Variants in TBCD observed in about 807,000 individuals in gnomAD.
The protein encoded by TBCD is tubulin-specific chaperone D.
Under a neutral mutation model 169.3 loss-of-function variants are expected in TBCD, and 105 were observed. The ratio of observed to expected loss-of-function variants is 0.62; its 90% CI spans 0.53 to 0.73. TBCD has a LOEUF of 0.73. TBCD is among the 30% of genes least tolerant of loss of function. The pLI is 0.00. For missense variants in TBCD, 1,444 were observed against 1,600.1 expected (o/e 0.90, Z 1.66); for synonymous variants, 700 against 643.9 (o/e 1.09, Z -1.32).
At position 82,787,161 on chromosome 17, in the gene TBCD, C is replaced by A. The variant is rs572361073; in HGVS notation, c.771+5440C>A. 3.3e-5 allele frequency among the ~76,000 whole-genome samples: 5 copies of A among 152,222 alleles called. No individual in the cohort carries two copies. In the South Asian group the frequency reaches 1.0e-3, roughly 32 times the overall value. ...CTTAGGAGAGCCGAGCCCTGTGCCA[C>A]CCCCCGGCATATGCTGGCAAAGAGT... On this transcript the variant is annotated intron_variant, in intron 7 of 38. Coordinates refer to ENST00000355528, the MANE Select transcript of TBCD (RefSeq NM_005993.5).
At chr17:82,801,394 C>T (rs2050507334) in intron 9 of TBCD, among the ~76,000 whole-genome samples, 1 of 152,190 alleles carries the variant, frequency 6.6e-6, no homozygotes, top group Non-Finnish European at 1.5e-5. Context: ...CTGCATCTCC[C>T]AGTTGGAAGA....
intron 15 of TBCD, among the ~76,000 whole-genome samples, chr17:82,885,170 T>C (rs2058636249): frequency 6.6e-6 from 1 of 151,980 alleles, no homozygotes; most frequent in African/African-American, 2.4e-5. Flanking sequence ...GAGGGTTTCC[T>C]GTCAGCCCTG....
At position 82,890,769 on chromosome 17, in the gene TBCD, C is replaced by G. The variant is rs1035792138; in HGVS notation, c.1563+1072C>G. On this transcript the variant is annotated intron_variant, in intron 16 of 38. Coordinates refer to ENST00000355528, the MANE Select transcript of TBCD (RefSeq NM_005993.5). The surrounding 1 kb of genome is among the most constrained non-coding windows in gnomAD (Gnocchi z 5.3). Reference sequence around the variant, plus strand: ...TGTGTTCAGAGCCCTGAGCCCTGGTCGGAGCCAGTTCACTAGGAAGAGACA... The same window carrying G: ...TGTGTTCAGAGCCCTGAGCCCTGGTGGGAGCCAGTTCACTAGGAAGAGACA... Among the ~76,000 whole-genome samples, 1 of 152,112 alleles carries G rather than the reference C, an allele frequency of 6.6e-6. No homozygotes were observed. The highest frequency in any genetic ancestry group is 1.5e-5 in the Non-Finnish European group (1 of 68,028).
In TBCD at chr17:82,768,449, C is replaced by G. The variant is rs763461452; in HGVS notation, c.465C>G (p.Leu155=). 9 of 1,614,000 alleles carry G rather than the reference C, an allele frequency of 5.6e-6. No individual in the cohort carries two copies. Among genetic ancestry groups the G allele is most frequent in the Admixed American group, 5.0e-5 (3 of 60,014 alleles). The part of the protein sequence containing the change: ...EAWETRYMLL[L]WLSVTCLIPF... Reference sequence around the variant, plus strand: ...GGGAAACCCGCTACATGCTTTTGCTCTGGCTCTCCGTGACCTGCCTGATCC... The same window carrying G: ...GGGAAACCCGCTACATGCTTTTGCTGTGGCTCTCCGTGACCTGCCTGATCC... The change falls in exon 5 of 39, where the codon CTC becomes CTG. Residue 155 remains leucine, a synonymous_variant. Transcript: ENST00000355528.
Position 82,789,383 on chromosome 17 carries a change from T to C in TBCD, c.771+7662T>C, listed in dbSNP as rs141965849. Among the ~76,000 whole-genome samples the C allele has an allele frequency of 1.0e-2, 1,522 of 152,328 alleles. 21 individuals carry two copies. The highest frequency in any genetic ancestry group is 0.035 in the African/African-American group (1,447 of 41,580). On this transcript the variant is annotated intron_variant, in intron 7 of 38. Transcript: ENST00000355528. This position sits in a 1 kb window ranked among gnomAD's most constrained non-coding sequence, Gnocchi z 4.8. The stretch of plus-strand genomic sequence containing the variant: ...GTGGCGCGACCTGCTCACAGACGTG[T>C]GCTCACAGGCAGCCCGTCGCGGGGT...
chr17:82,907,996 C>A (rs1019701123), intron 21 of TBCD, among the ~76,000 whole-genome samples, 175 bp downstream of exon 21: 3 of 152,206 alleles, frequency 2.0e-5, no homozygotes, highest in Non-Finnish European at 4.4e-5. Context: ...TCTCTGCTGG[C>A]GTCATGCTTG....
At chr17:82,870,466 C>A in intron 14 of TBCD, 86 bp downstream of exon 14, 1 of 1,475,976 alleles carries the variant, frequency 6.8e-7, no homozygotes, top group Non-Finnish European at 9.1e-7. Context: ...GTGTGCACAG[C>A]AGATGCTCGT....
intron 17 of TBCD, among the ~76,000 whole-genome samples, chr17:82,899,361 T>TGCGTCCTTAGC (rs1555640329): frequency 2.0e-5 from 3 of 149,612 alleles, no homozygotes; most frequent in Non-Finnish European, 4.5e-5. Flanking sequence ...GTGTCCGCAG[T>TGCGTCCTTAGC]GCGTCCTCAG....
chr17:82,888,198 C>T (rs913509093), intron 15 of TBCD, among the ~76,000 whole-genome samples: 3 of 152,104 alleles, frequency 2.0e-5, no homozygotes, highest in Non-Finnish European at 4.4e-5. Flanking sequence ...GGATGCTGTC[C>T]CGTGTTTTCT....
At chr17:82,826,556 C>T (rs2052868260) in intron 13 of TBCD, among the ~76,000 whole-genome samples, 1 of 151,970 alleles carries the variant, frequency 6.6e-6, no homozygotes, top group African/African-American at 2.4e-5. Context: ...GGTGGGACTA[C>T]AGGCAAACAT....
rs572605356 is a variant in TBCD, at chr17:82,899,009, C to T, written c.1650-1642C>T. Among the ~76,000 whole-genome samples the T allele has an allele frequency of 5.9e-5, 9 of 152,370 alleles. No individual in the cohort carries two copies. In the East Asian group the frequency reaches 1.4e-3, roughly 23 times the overall value. On this transcript the variant is annotated intron_variant, in intron 17 of 38. Coordinates refer to ENST00000355528, the MANE Select transcript of TBCD (RefSeq NM_005993.5). ...CTGCTGCCCTGCCCTCGACGCGGAG[C>T]AGGGCTGCCCCTCGGGGAAGGTCGT...
intron 14 of TBCD, among the ~76,000 whole-genome samples, chr17:82,873,625 A>G (rs768297814): frequency 1.6e-4 from 25 of 152,230 alleles, no homozygotes; most frequent in Admixed American, 3.3e-4. Context: ...AGGCAGATAC[A>G]TAACTTCTGC....
Position 82,781,647 on chromosome 17 carries a change from C to T in TBCD, c.697C>T (p.Leu233=), listed in dbSNP as rs1177742403. ...SKMAEFLDWS[L]CNLARSSFQT... is the part of the protein sequence containing the mutation. ...GATGGCTGAGTTCCTGGACTGGAGC[C>T]TGTGCAATCTGGCCCGTTCCTCCTT... The change falls in exon 7 of 39, where the codon CTG becomes TTG. Residue 233 remains leucine (L), a synonymous_variant. Transcript: ENST00000355528. 4 of 1,613,754 alleles carry T rather than the reference C, an allele frequency of 2.5e-6. No homozygotes were observed. In the African/African-American group the frequency reaches 5.3e-5, roughly 22 times the overall value.
At chr17:82,891,320 G>A (rs572167194) in intron 16 of TBCD, among the ~76,000 whole-genome samples, 1 of 152,352 alleles carries the variant, frequency 6.6e-6, no homozygotes, top group Non-Finnish European at 1.5e-5. Context: ...CCAGAAAATG[G>A]GATATTCCCG....
At position 82,930,605 on chromosome 17, in the gene TBCD, C is replaced by A; in HGVS notation, c.3075C>A (p.Thr1025=). 3 of 1,613,960 alleles carry A rather than the reference C, an allele frequency of 1.9e-6. No individual in the cohort carries two copies. Among genetic ancestry groups the A allele is most frequent in the Non-Finnish European group, 2.5e-6 (3 of 1,179,886 alleles). ...AGGCCCTGGGCAGCTTCAGCGGGACCCTTCTGCAGATCTTTGAGGACAACC... is the reference window on the plus strand; with the variant it reads ...AGGCCCTGGGCAGCTTCAGCGGGACACTTCTGCAGATCTTTGAGGACAACC... The part of the protein sequence containing the change: ...DPQALGSFSG[T]LLQIFEDNLL... Residue 1025 remains threonine, a synonymous_variant, in exon 33 of 39, where the codon ACC becomes ACA. Transcript: ENST00000355528. The surrounding 1 kb of genome is among the most constrained non-coding windows in gnomAD (Gnocchi z 5.2).
In TBCD at chr17:82,864,741, G is replaced by A. The variant is rs2057028673; in HGVS notation, c.1319-5483G>A. 6.6e-6 allele frequency among the ~76,000 whole-genome samples: 1 copy of A among 152,102 alleles called. No individual in the cohort carries two copies. The highest frequency in any genetic ancestry group is 6.5e-5 in the Admixed American group (1 of 15,276). On this transcript the variant is annotated intron_variant, in intron 13 of 38. Transcript: ENST00000355528. This position sits in a 1 kb window ranked among gnomAD's most constrained non-coding sequence, Gnocchi z 6.3. ...AGGCCGGGGTTGTGCTTGGGGCACT[G>A]GGGGAGAGCAGAGCAGGTGATGCAT... is the stretch of plus-strand genomic sequence containing the variant.
chr17:82,798,827 C>T (rs1408505423), intron 8 of TBCD, among the ~76,000 whole-genome samples: 2 of 152,196 alleles, frequency 1.3e-5, no homozygotes, highest in Non-Finnish European at 2.9e-5. Context: ...ACTGCAGCTT[C>T]GACCTCCTGG....
intron 5 of TBCD, among the ~76,000 whole-genome samples, chr17:82,771,702 A>G (rs1375510208): frequency 6.6e-6 from 1 of 152,188 alleles, no homozygotes; most frequent in Non-Finnish European, 1.5e-5. Context: ...TACAGGCGTG[A>G]GCCGCAGTGC....
intron 13 of TBCD, chr17:82,840,266 G>A (rs1394201042): frequency 6.6e-6 from 1 of 152,254 alleles, no homozygotes; most frequent in African/African-American, 2.4e-5. Flanking sequence ...CCATATGTCA[G>A]AGGGCTTTCG....
Sources: gnomAD v4.1 joint callset for allele counts (sites outside exome capture counted in the v4.1 genomes callset) on GRCh38, gnomAD v4.1.1 for gene constraint, Gnocchi (gnomAD v3.1) non-coding constraint, MANE v1.5 for transcripts, NCBI Gene and HGNC (gene_info 2026-07-23, HGNC 2026-07-21) for gene names.